OLFM2: variants seen among roughly 807,000 people sequenced by gnomAD.
OLFM2 encodes noelin-2.
A neutral mutation model predicts 43.9 loss-of-function variants in OLFM2; 20 were observed. That is an observed-to-expected ratio of 0.46 (90% CI 0.32 to 0.66). The LOEUF is 0.66. OLFM2 is among the 30% of genes least tolerant of loss of function. OLFM2 has a pLI of 0.04. For missense variants in OLFM2, 416 were observed against 643.6 expected, an observed-to-expected ratio of 0.65 and a Z score of 3.83; for synonymous variants, 268 against 278.6, an observed-to-expected ratio of 0.96 and a Z score of 0.38.
chr19:9,866,614 C>T (rs1055183438), intron 1 of OLFM2, among the ~76,000 whole-genome samples: 3 of 151,722 alleles, frequency 2.0e-5, no homozygotes, highest in Non-Finnish European at 1.5e-5. Context: ...ATCCTCCCAC[C>T]TCAGCCTCCC....
At chr19:9,935,077 C>G (rs537734754) in intron 1 of OLFM2, among the ~76,000 whole-genome samples, 1 of 152,240 alleles carries the variant, frequency 6.6e-6, no homozygotes, top group South Asian at 2.1e-4. Flanking sequence ...CACTCTCGAG[C>G]TTGAGCAAGT....
At chr19:9,909,284 A>C (rs1478086334) in intron 1 of OLFM2, among the ~76,000 whole-genome samples, 1 of 152,082 alleles carries the variant, frequency 6.6e-6, no homozygotes, top group Non-Finnish European at 1.5e-5. Flanking sequence ...GGTATAACAT[A>C]CAAGATTCAG....
chr19:9,864,207 T>TC (rs2046384001), intron 1 of OLFM2, among the ~76,000 whole-genome samples: 1 of 152,254 alleles, frequency 6.6e-6, no homozygotes, highest in Admixed American at 6.5e-5. Flanking sequence ...AGGTGTATGT[T>TC]CATGAAATCT....
rs1481614746 is a variant in OLFM2 at position 9,885,456 on chromosome 19, TGCTCCTGGG to T, written c.64-24671_64-24663del. On this transcript the variant is annotated intron_variant, in intron 1 of 5. Coordinates refer to ENST00000264833, the MANE Select transcript of OLFM2 (RefSeq NM_058164.4). The stretch of plus-strand genomic sequence containing the variant: ...GTTAGGGCTGGGGGAGTGTGGGAGA[TGCTCCTGGG>T]GCTCTGCCCAGAGCTGCTGACTGCC... 7.9e-5 allele frequency among the ~76,000 whole-genome samples: 12 copies of T among 152,292 alleles called. No individual in the cohort carries two copies. In the East Asian group the frequency reaches 2.3e-3, roughly 29 times the overall value.
intron 1 of OLFM2, among the ~76,000 whole-genome samples, chr19:9,870,074 T>C (rs1568370451): frequency 1.3e-5 from 2 of 152,088 alleles, no homozygotes; most frequent in African/African-American, 4.8e-5. Context: ...AAAAAAATTT[T>C]TTTTTTGTAG....
At chr19:9,929,082 A>C (rs2086468897) in intron 1 of OLFM2, among the ~76,000 whole-genome samples, 1 of 152,094 alleles carries the variant, frequency 6.6e-6, no homozygotes, top group South Asian at 2.1e-4. Context: ...ATGGGCTTCC[A>C]CCTTGGCAGG....
chr19:9,920,002 A>C (rs1398428453), intron 1 of OLFM2, among the ~76,000 whole-genome samples: 1 of 137,580 alleles, frequency 7.3e-6, no homozygotes, highest in African/African-American at 2.8e-5. Context: ...GTAGGGTTTC[A>C]CCATGTTGGC....
At chr19:9,880,190 A>G (rs528687832) in intron 1 of OLFM2, among the ~76,000 whole-genome samples, 1 of 152,282 alleles carries the variant, frequency 6.6e-6, no homozygotes, top group Admixed American at 6.5e-5. Flanking sequence ...GGGTGTAGCA[A>G]TGGCCTTCTG....
chr19:9,890,369 G>T (rs7260192), intron 1 of OLFM2, among the ~76,000 whole-genome samples: 2 of 151,710 alleles, frequency 1.3e-5, no homozygotes, highest in Admixed American at 6.6e-5. Context: ...GAAGACTCTG[G>T]GGGGAGGGGG....
intron 1 of OLFM2, among the ~76,000 whole-genome samples, chr19:9,929,610 TAAAATA>T (rs1318671950): frequency 3.3e-5 from 5 of 149,778 alleles, no homozygotes; most frequent in African/African-American, 1.2e-4. Flanking sequence ...TAAAATAAAA[TAAAATA>T]AAATAAAATA....
intron 1 of OLFM2, among the ~76,000 whole-genome samples, chr19:9,901,282 T>C (rs1270503216): frequency 2.7e-5 from 4 of 150,176 alleles, no homozygotes; most frequent in Non-Finnish European, 4.4e-5. Context: ...GGAAGGAAGC[T>C]GGATACAGTG....
In OLFM2 at chr19:9,862,023, GA is replaced by G. The variant is rs3075649; in HGVS notation, c.64-1230del. 1.3e-4 allele frequency among the ~76,000 whole-genome samples: 16 copies of G among 120,376 alleles called. No homozygotes were observed. The South Asian group carries it at 1.8e-3, about 14-fold the overall frequency. 79.0% of individuals were successfully genotyped at this position (120,376 alleles called of 152,430 possible). A position where few individuals can be genotyped will look rare whatever the true frequency, so the allele number is the denominator to read the frequency against. On this transcript the variant is annotated intron_variant, in intron 1 of 5. Coordinates refer to ENST00000264833, the MANE Select transcript of OLFM2 (RefSeq NM_058164.4). ...CGACAGAGCAAGACTCCGTCTCAAA[GA>G]AAAAAAAAAAAAAAAAAAAAGAAGA...
At chr19:9,875,384 T>C (rs2046476837) in intron 1 of OLFM2, among the ~76,000 whole-genome samples, 1 of 152,134 alleles carries the variant, frequency 6.6e-6, no homozygotes, top group Non-Finnish European at 1.5e-5. Context: ...TCTGGAATGA[T>C]CCACAGACTC....
At chr19:9,910,317 ATATG>A (rs1316938774) in intron 1 of OLFM2, among the ~76,000 whole-genome samples, 6 of 152,176 alleles carry the variant, frequency 3.9e-5, no homozygotes, top group Non-Finnish European at 8.8e-5. Context: ...TCAAACCCAG[ATATG>A]TTTGACTCAA....
chr19:9,856,305 T>G lies in OLFM2; in HGVS notation c.687+502A>C, dbSNP rs373156759. 6.6e-6 allele frequency among the ~76,000 whole-genome samples: 1 copy of G among 151,642 alleles called. No individual in the cohort carries two copies. Among genetic ancestry groups the G allele is most frequent in the Non-Finnish European group, 1.5e-5 (1 of 67,884 alleles). On this transcript the variant is annotated intron_variant, in intron 5 of 5. Coordinates refer to ENST00000264833, the MANE Select transcript of OLFM2 (RefSeq NM_058164.4). This position sits in a 1 kb window ranked among gnomAD's most constrained non-coding sequence, Gnocchi z 4.0. ...TAGAGACAGGGTTTCTCCATGTTGG[T>G]CAGGCTGGTCTCGAACTCCCGACCT... is the stretch of plus-strand genomic sequence containing the variant.
chr19:9,881,685 G>GA (rs1388660252), intron 1 of OLFM2, among the ~76,000 whole-genome samples: 7 of 2,682 alleles, frequency 2.6e-3, no homozygotes, highest in East Asian at 9.3e-3. Flanking sequence ...TTTTACAGTT[G>GA]GGGGGTCTTG....
At position 9,857,226 on chromosome 19, in the gene OLFM2, CAG is replaced by C. The variant is rs1256950472; in HGVS notation, c.580+35_580+36del. 2 of 1,583,556 alleles carry C rather than the reference CAG, an allele frequency of 1.3e-6. No homozygotes were observed. The highest frequency in any genetic ancestry group is 1.7e-6 in the Non-Finnish European group (2 of 1,154,930). ...TGATACTGGAGTTGGGTGTGGCAGTCAGAGATCAGGGGTCAGGGTCAAGGGCC... is the reference window on the plus strand; with the variant it reads ...TGATACTGGAGTTGGGTGTGGCAGTCAGATCAGGGGTCAGGGTCAAGGGCC... On this transcript the variant is annotated intron_variant, in intron 4 of 5. Coordinates refer to ENST00000264833, the MANE Select transcript of OLFM2 (RefSeq NM_058164.4). The surrounding 1 kb of genome is among the most constrained non-coding windows in gnomAD (Gnocchi z 5.7).
Position 9,857,788 on chromosome 19 carries a change from A to G in OLFM2, c.287T>C (p.Met96Thr), listed in dbSNP as rs772016001. 7 of 1,614,158 alleles carry G rather than the reference A, an allele frequency of 4.3e-6. No homozygotes were observed. Among genetic ancestry groups the G allele is most frequent in the Non-Finnish European group, 5.9e-6 (7 of 1,180,026 alleles). Residue 96 changes from methionine (M) to threonine (T), a missense_variant, in exon 3 of 6, where the codon ATG becomes ACG. Transcript: ENST00000264833. The surrounding 1 kb of genome is among the most constrained non-coding windows in gnomAD (Gnocchi z 5.7). The stretch of plus-strand genomic sequence containing the variant: ...ATCCAGGCTCCGCATGAGGGTCTCC[A>G]TGCCGCGTACATACTGGAGGTCGCG... ...TYRDLQYVRGMETLMRSLDAR... is the reference protein window; with the variant it reads ...TYRDLQYVRGTETLMRSLDAR...
intron 1 of OLFM2, among the ~76,000 whole-genome samples, chr19:9,926,067 A>G (rs778875999): frequency 1.3e-5 from 2 of 151,472 alleles, no homozygotes; most frequent in Non-Finnish European, 2.9e-5. Context: ...AGCCCAGGAG[A>G]TAGAGGTTGC....
Sources: allele counts gnomAD v4.1 joint callset (sites outside exome capture counted in the v4.1 genomes callset), GRCh38; gene constraint gnomAD v4.1.1; non-coding constraint Gnocchi (gnomAD v3.1); transcripts MANE v1.5; gene names NCBI Gene and HGNC (gene_info 2026-07-23, HGNC 2026-07-21).